GPR55: variants seen among roughly 807,000 people sequenced by gnomAD.
The protein encoded by GPR55 is G-protein coupled receptor 55.
A neutral mutation model predicts 7.9 loss-of-function variants in GPR55; 6 were observed. That is an observed-to-expected ratio of 0.76 (90% CI 0.41 to 1.49). GPR55 has a LOEUF of 1.49. GPR55 is among the 40% of genes most tolerant of loss of function. The probability of loss-of-function intolerance (pLI) is 0.01; values close to 1 mark genes in which losing one functional copy is unlikely to be tolerated. For synonymous variants in GPR55, 183 were observed against 166.8 expected, an observed-to-expected ratio of 1.10 and a Z score of -0.75; for missense variants, 376 against 406.0, an observed-to-expected ratio of 0.93 and a Z score of 0.63.
rs141815637 is a variant in GPR55 at position 230,946,383 on chromosome 2, C to A, written c.-135+14392G>T. On this transcript the variant is annotated intron_variant, in intron 1 of 1. Transcript: ENST00000392039. ...TTGAAATGTTCTCACCACACACACA[C>A]AAAAAAGATAACTGTGTGATCGATG... Among the ~76,000 whole-genome samples the A allele has an allele frequency of 4.8e-3, 735 of 152,242 alleles. 7 individuals are homozygous for A. Among genetic ancestry groups the A allele is most frequent in the African/African-American group, 0.017 (690 of 41,544 alleles).
At chr2:230,953,197 T>C (rs939781304) in intron 1 of GPR55, among the ~76,000 whole-genome samples, 3 of 152,172 alleles carry the variant, frequency 2.0e-5, no homozygotes, top group Admixed American at 1.3e-4. Context: ...GCTTCTGAGG[T>C]GGGCAGAATA....
chr2:230,920,522 C>T (rs1272849478), intron 1 of GPR55, among the ~76,000 whole-genome samples: 1 of 152,130 alleles, frequency 6.6e-6, no homozygotes, highest in Non-Finnish European at 1.5e-5. Context: ...CAAGTTTCCT[C>T]TGTTCACAGG....
chr2:230,945,623 A>G (rs1482641898), intron 1 of GPR55, among the ~76,000 whole-genome samples: 1 of 152,206 alleles, frequency 6.6e-6, no homozygotes, highest in Admixed American at 6.5e-5. Context: ...CCCAGGCTGG[A>G]GTGCAGTGGC....
chr2:230,945,729 C>G (rs1353852481), intron 1 of GPR55, among the ~76,000 whole-genome samples: 2 of 152,108 alleles, frequency 1.3e-5, no homozygotes, highest in African/African-American at 4.8e-5. Context: ...GGTACCACCA[C>G]ACCTGGTTCA....
At chr2:230,932,463 C>T (rs973323156) in intron 1 of GPR55, among the ~76,000 whole-genome samples, 2 of 152,184 alleles carry the variant, frequency 1.3e-5, no homozygotes, top group African/African-American at 4.8e-5. Context: ...CATAACGTTA[C>T]ATGAAGGGGA....
intron 1 of GPR55, among the ~76,000 whole-genome samples, chr2:230,922,494 G>A (rs1209199571): frequency 2.0e-5 from 3 of 152,146 alleles, no homozygotes; most frequent in Non-Finnish European, 4.4e-5. Flanking sequence ...TCCCACCTCA[G>A]CCCTCCGAGT....
At position 230,946,287 on chromosome 2, in the gene GPR55, G is replaced by C. The variant is rs77860411; in HGVS notation, c.-135+14488C>G. ...GAGGAATACGTTCTGGAGATCTATTGTATATAATAGCATGGTGACTGTAGT... is the reference window on the plus strand; with the variant it reads ...GAGGAATACGTTCTGGAGATCTATTCTATATAATAGCATGGTGACTGTAGT... On this transcript the variant is annotated intron_variant, in intron 1 of 1. Transcript: ENST00000392039. Among the ~76,000 whole-genome samples the C allele has an allele frequency of 5.7e-3, 861 of 152,294 alleles. 4 individuals carry two copies. Among genetic ancestry groups the C allele is most frequent in the African/African-American group, 0.019 (803 of 41,554 alleles).
At chr2:230,915,396 G>T (rs1243003867) in intron 1 of GPR55, among the ~76,000 whole-genome samples, 1 of 152,198 alleles carries the variant, frequency 6.6e-6, no homozygotes. Context: ...AGCAGGGATG[G>T]GTGGGTGCCT....
intron 1 of GPR55, among the ~76,000 whole-genome samples, chr2:230,943,184 G>A (rs1406813437): frequency 6.6e-6 from 1 of 152,158 alleles, no homozygotes; most frequent in Non-Finnish European, 1.5e-5. Context: ...TGAGGCCCCA[G>A]CAGAGGCCAT....
chr2:230,910,978 A>G lies in GPR55; in HGVS notation c.-16T>C, dbSNP rs1469626382. On this transcript the variant is annotated 5_prime_UTR_variant, in exon 2 of 2. Transcript: ENST00000650999. The surrounding 1 kb of genome is among the most constrained non-coding windows in gnomAD (Gnocchi z 5.4). ...GCTGACTCATGTTTCTTCCTACAAC[A>G]CCAACAGATCAGACGGGGCTCCTTT... is the stretch of plus-strand genomic sequence containing the variant. 1 of 1,580,140 alleles carries G rather than the reference A, an allele frequency of 6.3e-7. No individual in the cohort carries two copies. Among genetic ancestry groups the G allele is most frequent in the East Asian group, 2.3e-5 (1 of 44,434 alleles).
At chr2:230,913,331 G>A (rs1690635836) in intron 1 of GPR55, among the ~76,000 whole-genome samples, 11 of 152,074 alleles carry the variant, frequency 7.2e-5, no homozygotes, top group Admixed American at 7.2e-4. Flanking sequence ...TGTGTTTTAA[G>A]ATCTTATATG....
At chr2:230,919,066 A>G (rs1318564659) in intron 1 of GPR55, among the ~76,000 whole-genome samples, 1 of 152,144 alleles carries the variant, frequency 6.6e-6, no homozygotes, top group Non-Finnish European at 1.5e-5. Context: ...TATGTTAAGA[A>G]TTATGTTAAG....
chr2:230,909,656 C>G lies in GPR55; in HGVS notation c.*347G>C. On this transcript the variant is annotated 3_prime_UTR_variant, in exon 2 of 2. Coordinates refer to ENST00000650999, the MANE Select transcript of GPR55 (RefSeq NM_005683.4). ...CTCTCTCTCTTTCTTTCCAGAACCT[C>G]CCAGTCGAACAGGAAAATGGGGAGA... 1 of 229,046 alleles carries G rather than the reference C, an allele frequency of 4.4e-6. No homozygotes were observed. Among genetic ancestry groups the G allele is most frequent in the Non-Finnish European group, 8.6e-6 (1 of 116,192 alleles). The allele number at this position is 229,046 out of a possible 1,614,324, so 14.2% of individuals were successfully genotyped here.
Position 230,908,483 on chromosome 2 carries a change from G to A in GPR55, c.*1520C>T, listed in dbSNP as rs528309777. 2.3e-3 allele frequency: 354 copies of A among 154,622 alleles called. No individual in the cohort carries two copies. Among genetic ancestry groups the A allele is most frequent in the Non-Finnish European group, 2.6e-3 (178 of 69,482 alleles). 9.6% of individuals were successfully genotyped at this position (154,622 alleles called of 1,614,324 possible). ...GCACTCCCTGCAGGCTTCAAGCCTA[G>A]GGCCACGGCTCAGCTTCCCCTCCTT... On this transcript the variant is annotated 3_prime_UTR_variant, in exon 2 of 2. Coordinates refer to ENST00000650999, the MANE Select transcript of GPR55 (RefSeq NM_005683.4).
intron 1 of GPR55, among the ~76,000 whole-genome samples, chr2:230,949,249 T>C (rs1279677172): frequency 6.6e-6 from 1 of 152,088 alleles, no homozygotes; most frequent in African/African-American, 2.4e-5. Flanking sequence ...CTGCAACGTC[T>C]GTCTCCCGGG....
chr2:230,920,941 G>T (rs1303122176), intron 1 of GPR55, among the ~76,000 whole-genome samples: 1 of 152,030 alleles, frequency 6.6e-6, no homozygotes, highest in Non-Finnish European at 1.5e-5. Flanking sequence ...ATCATCTTTT[G>T]TCAAGGAAAA....
At chr2:230,917,329 G>A (rs944403646) in intron 1 of GPR55, among the ~76,000 whole-genome samples, 1 of 152,156 alleles carries the variant, frequency 6.6e-6, no homozygotes, top group Non-Finnish European at 1.5e-5. Context: ...GATTAATACA[G>A]TTTAATTAAT....
At chr2:230,952,467 T>G (rs1047465401) in intron 1 of GPR55, among the ~76,000 whole-genome samples, 13 of 152,162 alleles carry the variant, frequency 8.5e-5, no homozygotes, top group Non-Finnish European at 1.8e-4. Context: ...TCCTGTTGTG[T>G]GATCTGGGGA....
At chr2:230,955,069 T>C (rs1005352923) in intron 1 of GPR55, among the ~76,000 whole-genome samples, 1 of 152,240 alleles carries the variant, frequency 6.6e-6, no homozygotes, top group Non-Finnish European at 1.5e-5. Flanking sequence ...CCTCCCACTA[T>C]GTTTATCCCT....
Sources: gnomAD v4.1 joint callset for allele counts (sites outside exome capture counted in the v4.1 genomes callset) on GRCh38, gnomAD v4.1.1 for gene constraint, Gnocchi (gnomAD v3.1) non-coding constraint, MANE v1.5 for transcripts, NCBI Gene and HGNC (gene_info 2026-07-23, HGNC 2026-07-21) for gene names.